The following SHROOM3 variants were observed in gnomAD, a reference collection of about 807,000 sequenced individuals.
SHROOM3 encodes the protein shroom family member 3.
In SHROOM3, 47 loss-of-function variants were observed where a neutral mutation model predicts 138.6. That is an observed-to-expected ratio of 0.34 (90% confidence interval 0.27 to 0.43). The LOEUF is 0.43. SHROOM3 is among the 20% of genes least tolerant of loss of function. The pLI, the probability that SHROOM3 is intolerant of heterozygous loss-of-function variation, is 1.00. For synonymous variants in SHROOM3, 1,062 were observed against 1,063.3 expected (o/e 1.00, Z 0.02); for missense variants, 2,491 against 2,596.5 (o/e 0.96, Z 0.88).
intron 1 of SHROOM3, among the ~76,000 whole-genome samples, chr4:76,529,410 G>A (rs1375748613): frequency 1.3e-5 from 2 of 151,798 alleles, no homozygotes; most frequent in Middle Eastern, 3.2e-3. Flanking sequence ...TCCACCTCCC[G>A]AGTTCACACC....
chr4:76,513,874 C>A lies in SHROOM3; in HGVS notation c.169-41735C>A, dbSNP rs115394969. Among the ~76,000 whole-genome samples the A allele has an allele frequency of 4.5e-3, 684 of 152,234 alleles. 6 individuals carry two copies. The highest frequency in any genetic ancestry group is 0.016 in the African/African-American group (650 of 41,528). On this transcript the variant is annotated intron_variant, in intron 1 of 10. Transcript: ENST00000296043. The stretch of plus-strand genomic sequence containing the variant: ...ACATTGATCTTTAAAAAATGACATA[C>A]GTTTTATAGTCATTAACTTATCACT...
chr4:76,696,661 AG>A (rs1302800283), intron 2 of SHROOM3, among the ~76,000 whole-genome samples: 1 of 152,104 alleles, frequency 6.6e-6, no homozygotes, highest in African/African-American at 2.4e-5. Flanking sequence ...ATGCCCATTG[AG>A]GGGGAAGGGG....
chr4:76,659,438 G>A (rs1368571752), intron 2 of SHROOM3, among the ~76,000 whole-genome samples: 2 of 152,158 alleles, frequency 1.3e-5, no homozygotes, highest in African/African-American at 4.8e-5. Flanking sequence ...TTTCATATTG[G>A]TCATTTGGGT....
At chr4:76,768,821 G>T (rs541737935) in intron 9 of SHROOM3, among the ~76,000 whole-genome samples, 38 of 152,184 alleles carry the variant, frequency 2.5e-4, no homozygotes, top group African/African-American at 8.7e-4. Flanking sequence ...GCCTGGATGT[G>T]AATTTTTTAG....
intron 2 of SHROOM3, among the ~76,000 whole-genome samples, chr4:76,702,893 CT>C (rs1020262799): frequency 6.6e-6 from 1 of 152,156 alleles, no homozygotes; most frequent in African/African-American, 2.4e-5. Flanking sequence ...GCTTTTTCTC[CT>C]ATCCACCCTT....
intron 1 of SHROOM3, among the ~76,000 whole-genome samples, chr4:76,491,238 C>A (rs1355036191): frequency 2.0e-5 from 3 of 152,158 alleles, no homozygotes; most frequent in Admixed American, 2.0e-4. Context: ...AAAGATGAAT[C>A]CAAGATCTCC....
At chr4:76,501,410 G>T (rs1275015570) in intron 1 of SHROOM3, among the ~76,000 whole-genome samples, 1 of 152,158 alleles carries the variant, frequency 6.6e-6, no homozygotes, top group Non-Finnish European at 1.5e-5. Flanking sequence ...AATTTCCTAA[G>T]CAATAAGGAT....
chr4:76,571,884 C>A (rs116625375), intron 2 of SHROOM3, among the ~76,000 whole-genome samples: 430 of 152,208 alleles, frequency 2.8e-3, no homozygotes, highest in African/African-American at 9.8e-3. Context: ...TCTCTGTGTC[C>A]ATTGTGAGAT....
chr4:76,649,289 T>C (rs767585810), intron 2 of SHROOM3, among the ~76,000 whole-genome samples: 3 of 152,182 alleles, frequency 2.0e-5, no homozygotes, highest in Admixed American at 6.6e-5. Context: ...CTCAAAGGGA[T>C]AAAAGGAAAT....
intron 2 of SHROOM3, among the ~76,000 whole-genome samples, chr4:76,703,020 C>T (rs1577983677): frequency 6.6e-6 from 1 of 152,040 alleles, no homozygotes; most frequent in African/African-American, 2.4e-5. Context: ...GTATATTGTA[C>T]ACCTGGATTT....
At chr4:76,657,953 G>A (rs767493482) in intron 2 of SHROOM3, among the ~76,000 whole-genome samples, 17 of 152,262 alleles carry the variant, frequency 1.1e-4, no homozygotes, top group East Asian at 5.8e-4. Flanking sequence ...AGTTCAGCAC[G>A]TTCATTGGGC....
At chr4:76,613,990 T>C (rs1490581783) in intron 2 of SHROOM3, among the ~76,000 whole-genome samples, 1 of 152,168 alleles carries the variant, frequency 6.6e-6, no homozygotes, top group Non-Finnish European at 1.5e-5. Flanking sequence ...ATGAATGAAA[T>C]GTTCCAGGCG....
At chr4:76,627,818 G>A (rs1735190842) in intron 2 of SHROOM3, among the ~76,000 whole-genome samples, 1 of 152,114 alleles carries the variant, frequency 6.6e-6, no homozygotes, top group Non-Finnish European at 1.5e-5. Flanking sequence ...GACTACGGGT[G>A]TGTGCCACCA....
At chr4:76,611,745 A>G (rs1474366967) in intron 2 of SHROOM3, among the ~76,000 whole-genome samples, 3 of 152,186 alleles carry the variant, frequency 2.0e-5, no homozygotes, top group Admixed American at 2.0e-4. Context: ...TCTACAAGGA[A>G]ACACACGGAA....
At chr4:76,722,897 T>C (rs1347756084) in intron 3 of SHROOM3, among the ~76,000 whole-genome samples, 2 of 151,608 alleles carry the variant, frequency 1.3e-5, no homozygotes, top group African/African-American at 4.9e-5. Context: ...GGTTGATGGG[T>C]TAGTAAGGGG....
intron 2 of SHROOM3, among the ~76,000 whole-genome samples, chr4:76,654,123 C>T (rs1156721664): frequency 6.6e-6 from 1 of 152,148 alleles, no homozygotes; most frequent in Non-Finnish European, 1.5e-5. Flanking sequence ...CTCGAGTTGT[C>T]TGGCCTGAAC....
At chr4:76,507,811 TGA>T (rs1268197381) in intron 1 of SHROOM3, among the ~76,000 whole-genome samples, 3 of 152,216 alleles carry the variant, frequency 2.0e-5, no homozygotes, top group African/African-American at 7.2e-5. Flanking sequence ...CCCAAAGTGC[TGA>T]GATTACAGGA....
At chr4:76,756,991 GGAT>G (rs1179651926) in intron 8 of SHROOM3, 54 bp downstream of exon 8, 74 of 1,612,078 alleles carry the variant, frequency 4.6e-5, no homozygotes, top group Non-Finnish European at 6.0e-5. Flanking sequence ...CCTTCCATGG[GGAT>G]GATGATAAGT....
intron 1 of SHROOM3, among the ~76,000 whole-genome samples, chr4:76,531,250 C>T (rs532826017): frequency 3.2e-4 from 49 of 152,228 alleles, no homozygotes; most frequent in African/African-American, 1.1e-3. Flanking sequence ...CATCACAAAG[C>T]GACTCAGCCA....
Sources: allele counts gnomAD v4.1 joint callset (sites outside exome capture counted in the v4.1 genomes callset), GRCh38; gene constraint gnomAD v4.1.1; transcripts MANE v1.5; gene names NCBI Gene and HGNC (gene_info 2026-07-23, HGNC 2026-07-21).